The following KIF19 variants were observed in gnomAD, a reference collection of about 807,000 sequenced individuals.
KIF19 encodes the protein kinesin family member 19.
A neutral mutation model predicts 106.6 loss-of-function variants in KIF19; 98 were observed. The ratio of observed to expected loss-of-function variants is 0.92; its 90% CI spans 0.78 to 1.09. The LOEUF (loss-of-function observed/expected upper bound fraction) is 1.09, where lower values mean the gene tolerates loss of function less well. Among genes scored for constraint, KIF19 ranks in the 50% least tolerant of loss-of-function variants. The probability of loss-of-function intolerance (pLI) is 0.00; values close to 1 mark genes in which losing one functional copy is unlikely to be tolerated. For missense variants in KIF19, 1,373 were observed against 1,414.3 expected (o/e 0.97, Z 0.47); for synonymous variants, 516 against 584.2 (o/e 0.88, Z 1.68).
intron 6 of KIF19, 92 bp downstream of exon 6, chr17:74,344,440 C>A: frequency 6.5e-7 from 1 of 1,527,976 alleles, no homozygotes. Context: ...GGAGCTGCTC[C>A]CCACTCGGCT....
chr17:74,344,987 G>A, intron 7 of KIF19, 32 bp downstream of exon 7: 2 of 1,564,302 alleles, frequency 1.3e-6, no homozygotes, highest in Non-Finnish European at 1.7e-6. Flanking sequence ...GGCAGAGGAG[G>A]GAGGGTTGAC....
intron 15 of KIF19, 50 bp from the exon 16 acceptor site, chr17:74,353,146 C>A: frequency 6.7e-7 from 1 of 1,495,952 alleles, no homozygotes; most frequent in Non-Finnish European, 9.1e-7. Context: ...GGTGGGACCT[C>A]GGTGAGATAG....
chr17:74,354,021 A>G (rs1243478404), intron 17 of KIF19, 141 bp from the exon 18 acceptor site: 8 of 932,016 alleles, frequency 8.6e-6, no homozygotes, highest in Non-Finnish European at 1.3e-5. Context: ...AATGGGCCCA[A>G]GTTTCTTACA....
chr17:74,328,764 A>G (rs528969198), intron 2 of KIF19: 2 of 373,638 alleles, frequency 5.4e-6, no homozygotes, highest in East Asian at 5.4e-5. Flanking sequence ...TCACATGCTC[A>G]TTGCTTGACT....
Position 74,346,774 on chromosome 17 carries a change from T to C in KIF19, c.924+250T>C, listed in dbSNP as rs891608703. Among the ~76,000 whole-genome samples, 2 of 152,106 alleles carry C rather than the reference T, an allele frequency of 1.3e-5. No individual in the cohort carries two copies. The highest frequency in any genetic ancestry group is 4.1e-4 in the South Asian group (2 of 4,822). On this transcript the variant is annotated intron_variant, in intron 8 of 19. Coordinates refer to ENST00000389916, the MANE Select transcript of KIF19 (RefSeq NM_153209.4). This position sits in a 1 kb window ranked among gnomAD's most constrained non-coding sequence, Gnocchi z 4.6. ...ACGACCCTAACCAAAGGCTGGGCAATGGGAAGGAAAAGGAGCACGTGATAC... is the reference window on the plus strand; with the variant it reads ...ACGACCCTAACCAAAGGCTGGGCAACGGGAAGGAAAAGGAGCACGTGATAC...
Position 74,349,452 on chromosome 17 carries a change from G to A in KIF19, c.1213+103G>A, listed in dbSNP as rs942374331. ...TCAAATCCAGAATCGGGCTCTTTCT[G>A]GCTGGGTGGTTGAGCTAGGCACTCA... On this transcript the variant is annotated intron_variant, in intron 10 of 19. Transcript: ENST00000389916. The A allele has an allele frequency of 7.1e-6, 9 of 1,271,606 alleles. No individual in the cohort carries two copies. The South Asian group carries it at 7.8e-5, about 11-fold the overall frequency. 78.8% of individuals were successfully genotyped at this position (1,271,606 alleles called of 1,614,324 possible).
chr17:74,337,167 C>T (rs941698820), intron 2 of KIF19, among the ~76,000 whole-genome samples: 1 of 152,208 alleles, frequency 6.6e-6, no homozygotes, highest in African/African-American at 2.4e-5. Flanking sequence ...AGGGAAAACA[C>T]ACGCCAAGCC....
chr17:74,326,417 C>T (rs760399348), intron 1 of KIF19, 29 bp downstream of exon 1: 20 of 1,607,452 alleles, frequency 1.2e-5, no homozygotes, highest in Non-Finnish European at 1.6e-5. Context: ...CTCCTCCCCA[C>T]CCCGCTCCGT....
At chr17:74,332,424 G>A (rs975038464) in intron 2 of KIF19, among the ~76,000 whole-genome samples, 1 of 152,008 alleles carries the variant, frequency 6.6e-6, no homozygotes, top group African/African-American at 2.4e-5. Context: ...TCCAGGTGGG[G>A]GAAAAAGCTA....
rs1598361023 is a variant in KIF19 at position 74,326,288 on chromosome 17, G to A, written c.-62G>A. On this transcript the variant is annotated 5_prime_UTR_variant, in exon 1 of 20. Transcript: ENST00000389916. ...CAGCTGGCGGACGCGACCCGGAGGC[G>A]GTGGGGGTGCGGCTGAGCCATGCCC... The A allele has an allele frequency of 2.0e-6, 3 of 1,520,508 alleles. No individual in the cohort carries two copies. Among genetic ancestry groups the A allele is most frequent in the African/African-American group, 1.4e-5 (1 of 70,318 alleles). The allele number at this position is 1,520,508 out of a possible 1,614,324, so 94.2% of individuals were successfully genotyped here.
At position 74,347,852 on chromosome 17, in the gene KIF19, C is replaced by G. The variant is rs138353633; in HGVS notation, c.1000C>G (p.Arg334Gly). Reference protein sequence around the residue: ...SPASSAFEESRNTLTYAGRAK... With the variant: ...SPASSAFEESGNTLTYAGRAK... ...TGCGAGCAGTGCCTTCGAGGAGTCCCGGAACACCCTGACCTACGCCGGCCG... is the reference window on the plus strand; with the variant it reads ...TGCGAGCAGTGCCTTCGAGGAGTCCGGGAACACCCTGACCTACGCCGGCCG... Residue 334 changes from arginine to glycine, a missense_variant, in exon 9 of 20, where the codon CGG becomes GGG. Physicochemically the swap from Arg to Gly is moderately radical, Grantham distance 125. Coordinates refer to ENST00000389916, the MANE Select transcript of KIF19 (RefSeq NM_153209.4). 15 of 1,586,422 alleles carry G rather than the reference C, an allele frequency of 9.5e-6. No homozygotes were observed. Among genetic ancestry groups the G allele is most frequent in the African/African-American group, 1.3e-5 (1 of 74,272 alleles).
Position 74,330,316 on chromosome 17 carries a change from A to G in KIF19, c.120+1811A>G, listed in dbSNP as rs1007779857. On this transcript the variant is annotated intron_variant, in intron 2 of 19. Transcript: ENST00000389916. ...TGTGTAAGTGGAGACAGACATCATG[A>G]TGCCTTCTTTAGAGGGTCTTTGTAG... is the stretch of plus-strand genomic sequence containing the variant. Among the ~76,000 whole-genome samples, 66 of 152,206 alleles carry G rather than the reference A, an allele frequency of 4.3e-4. 1 individual carries two copies. The highest frequency in any genetic ancestry group is 4.8e-5 in the African/African-American group (2 of 41,448).
intron 4 of KIF19, 36 bp downstream of exon 4, chr17:74,342,753 A>T (rs920388108): frequency 5.1e-6 from 8 of 1,569,882 alleles, no homozygotes; most frequent in East Asian, 4.5e-5. Context: ...CGAGGACCGC[A>T]ATGCCCCTGT....
At position 74,354,525 on chromosome 17, in the gene KIF19, G is replaced by GGAGGTCCCGATCCTTC; in HGVS notation, c.2679_2694dup (p.Thr899ProfsTer105). 3 of 1,601,846 alleles carry GGAGGTCCCGATCCTTC rather than the reference G, an allele frequency of 1.9e-6. No individual in the cohort carries two copies. The highest frequency in any genetic ancestry group is 1.1e-5 in the South Asian group (1 of 89,012). On this transcript the variant is annotated frameshift_variant, in exon 18 of 20. Coordinates refer to ENST00000389916, the MANE Select transcript of KIF19 (RefSeq NM_153209.4). LOFTEE classifies it high-confidence loss of function. ...TCGCTGGAGGCAAAGAGAAGGAAGC[G>GGAGGTCCCGATCCTTC]GAGGTCCCGATCCTTCGAGGTCACC...
intron 2 of KIF19, chr17:74,328,723 C>T: frequency 2.0e-6 from 1 of 509,042 alleles, no homozygotes; most frequent in Non-Finnish European, 3.6e-6. Context: ...GGGAGCTTCC[C>T]TAGCCTGGGT....
chr17:74,341,478 G>A (rs1481326809), intron 2 of KIF19, among the ~76,000 whole-genome samples: 1 of 152,218 alleles, frequency 6.6e-6, no homozygotes, highest in African/African-American at 2.4e-5. Flanking sequence ...CAGGGTCTGG[G>A]CTCGTGGTAG....
chr17:74,350,751 A>T lies in KIF19; in HGVS notation c.1433A>T (p.Glu478Val), dbSNP rs747594959. 4 of 1,613,880 alleles carry T rather than the reference A, an allele frequency of 2.5e-6. No individual in the cohort carries two copies. The South Asian group carries it at 4.4e-5, about 18-fold the overall frequency. ...CGCCGGGCCCTCAAATGGCGGGAGG[A>T]GCAGCGAAAGGAGTGCTACGCTAAG... ...KSRRALKWREEQRKECYAKDD... is the reference protein window; with the variant it reads ...KSRRALKWREVQRKECYAKDD... Residue 478 changes from glutamate (E) to valine (V), a missense_variant, in exon 12 of 20, where the codon GAG (glutamate) becomes GTG (valine). This residue lies in a region of KIF19 where 1,020 missense variants were observed against 1,008.2 expected (regional missense o/e 1.01). Coordinates refer to ENST00000389916, the MANE Select transcript of KIF19 (RefSeq NM_153209.4).
chr17:74,337,922 C>T (rs550593639), intron 2 of KIF19, among the ~76,000 whole-genome samples: 2 of 152,332 alleles, frequency 1.3e-5, no homozygotes, highest in South Asian at 2.1e-4. Context: ...GGGTGATGCT[C>T]TCGAGGGTGG....
chr17:74,353,499 G>A lies in KIF19; in HGVS notation c.2226G>A (p.Pro742=), dbSNP rs185836246. The A allele has an allele frequency of 1.7e-5, 28 of 1,613,776 alleles. No individual in the cohort carries two copies. The highest frequency in any genetic ancestry group is 5.0e-5 in the Admixed American group (3 of 60,026). Residue 742 remains proline (P), a synonymous_variant, in exon 17 of 20, where the codon CCG becomes CCA. Transcript: ENST00000389916. ...CCAACCACTCCACCCCACAGGCCCC[G>A]GCTCAGGACAGCCTGGGCAGCTGGA... The part of the protein sequence containing the change: ...QLGSLVTQEA[P]AQDSLGSWIN...
Sources: allele counts gnomAD v4.1 joint callset (sites outside exome capture counted in the v4.1 genomes callset), GRCh38; gene constraint gnomAD v4.1.1; regional missense constraint gnomAD v4.1.1; non-coding constraint Gnocchi (gnomAD v3.1); transcripts MANE v1.5; gene names NCBI Gene and HGNC (gene_info 2026-07-23, HGNC 2026-07-21).